COL19A1: variants seen among roughly 807,000 people sequenced by gnomAD.
COL19A1 encodes collagen type XIX alpha 1 chain.
A neutral mutation model predicts 190.2 loss-of-function variants in COL19A1; 159 were observed. The ratio of observed to expected loss-of-function variants is 0.84; its 90% CI spans 0.73 to 0.95. The LOEUF is 0.95. COL19A1 is among the 40% of genes least tolerant of loss of function. The pLI, the probability that COL19A1 is intolerant of heterozygous loss-of-function variation, is 0.00. For synonymous variants in COL19A1, 509 were observed against 458.9 expected (o/e 1.11, Z -1.39); for missense variants, 1,418 against 1,431.9 (o/e 0.99, Z 0.16).
chr6:70,114,793 A>G (rs1784470350), intron 16 of COL19A1, among the ~76,000 whole-genome samples: 1 of 152,200 alleles, frequency 6.6e-6, no homozygotes, highest in Non-Finnish European at 1.5e-5. Flanking sequence ...GCCTAAATAT[A>G]TGCATATACA....
At chr6:69,940,250 C>G (rs1773388342) in intron 9 of COL19A1, among the ~76,000 whole-genome samples, 1 of 152,180 alleles carries the variant, frequency 6.6e-6, no homozygotes, top group East Asian at 1.9e-4. Flanking sequence ...ATAGACATCT[C>G]TCACTTTAAC....
chr6:70,049,509 G>A (rs1451212458), intron 14 of COL19A1, among the ~76,000 whole-genome samples: 2 of 151,980 alleles, frequency 1.3e-5, no homozygotes, highest in African/African-American at 2.4e-5. Flanking sequence ...CGTTCGACAT[G>A]GAGGTGATTT....
chr6:70,009,967 G>A (rs2150093681), intron 11 of COL19A1, among the ~76,000 whole-genome samples: 1 of 152,156 alleles, frequency 6.6e-6, no homozygotes, highest in African/African-American at 2.4e-5. Context: ...AGAAATAAAT[G>A]TAAAAACCAA....
At chr6:70,126,051 TTG>T (rs1785173850) in intron 17 of COL19A1, among the ~76,000 whole-genome samples, 2 of 152,022 alleles carry the variant, frequency 1.3e-5, no homozygotes, top group African/African-American at 4.8e-5. Flanking sequence ...AAATGCAGAG[TTG>T]TGTTATCTTA....
At chr6:70,022,928 A>G (rs1778497834) in intron 11 of COL19A1, among the ~76,000 whole-genome samples, 1 of 151,696 alleles carries the variant, frequency 6.6e-6, no homozygotes, top group Non-Finnish European at 1.5e-5. Flanking sequence ...TTCATCTCTG[A>G]TTTTTTCATT....
At chr6:70,169,909 A>T (rs572443935) in intron 40 of COL19A1, among the ~76,000 whole-genome samples, 1 of 152,284 alleles carries the variant, frequency 6.6e-6, no homozygotes, top group South Asian at 2.1e-4. Flanking sequence ...TTGCATTAAT[A>T]ACTGCAGATT....
chr6:70,062,039 GT>G (rs1333486655), intron 14 of COL19A1, among the ~76,000 whole-genome samples: 8 of 150,096 alleles, frequency 5.3e-5, no homozygotes, highest in Admixed American at 2.0e-4. Flanking sequence ...GAACTGATTA[GT>G]TTTTTTCCCT....
At chr6:69,940,356 T>C (rs1773394174) in intron 9 of COL19A1, among the ~76,000 whole-genome samples, 1 of 152,132 alleles carries the variant, frequency 6.6e-6, no homozygotes, top group Non-Finnish European at 1.5e-5. Context: ...CTTTGGAGCC[T>C]TAGCAGTAAT....
At chr6:69,941,286 GTGAAGA>G (rs1773450233) in intron 9 of COL19A1, among the ~76,000 whole-genome samples, 1 of 152,116 alleles carries the variant, frequency 6.6e-6, no homozygotes, top group South Asian at 2.1e-4. Context: ...GTGGTTGATT[GTGAAGA>G]AGGAATACAA....
intron 16 of COL19A1, 42 bp downstream of exon 16, chr6:70,102,264 C>T: frequency 2.9e-6 from 4 of 1,394,272 alleles, no homozygotes; most frequent in Non-Finnish European, 4.1e-6. Context: ...AAGAGTCTGT[C>T]TTTATGTCTG....
chr6:69,948,615 A>G (rs137979963), intron 9 of COL19A1, among the ~76,000 whole-genome samples: 5 of 151,938 alleles, frequency 3.3e-5, no homozygotes, highest in African/African-American at 9.6e-5. Flanking sequence ...AAAGTTAAGT[A>G]TGCAAGCCAA....
chr6:69,906,884 G>A (rs1770584706), intron 4 of COL19A1, among the ~76,000 whole-genome samples: 2 of 151,950 alleles, frequency 1.3e-5, no homozygotes, highest in Admixed American at 1.3e-4. Flanking sequence ...TTAGCAAGTA[G>A]GAAACCCAAA....
At chr6:70,109,470 A>G (rs1039972133) in intron 16 of COL19A1, among the ~76,000 whole-genome samples, 1 of 151,920 alleles carries the variant, frequency 6.6e-6, no homozygotes, top group Non-Finnish European at 1.5e-5. Context: ...TAAGAATGGA[A>G]AAGAAGGGTT....
chr6:70,006,866 C>G (rs1777664297), intron 11 of COL19A1, among the ~76,000 whole-genome samples: 1 of 151,636 alleles, frequency 6.6e-6, no homozygotes, highest in South Asian at 2.1e-4. Context: ...GAAATTAAGT[C>G]AATGTTAACT....
intron 12 of COL19A1, among the ~76,000 whole-genome samples, chr6:70,031,016 C>G (rs994330781): frequency 6.6e-6 from 1 of 152,306 alleles, no homozygotes; most frequent in African/African-American, 2.4e-5. Context: ...CACATCATGT[C>G]ATTTTCCTGC....
At chr6:69,866,956 T>C (rs1201772228) in intron 1 of COL19A1, among the ~76,000 whole-genome samples, 1 of 152,160 alleles carries the variant, frequency 6.6e-6, no homozygotes, top group Admixed American at 6.5e-5. Context: ...AGGTGGTTTT[T>C]CTGGCTATGT....
At chr6:69,934,109 GCTTAAAGCATAGCTTTAGTGA>G (rs1421967079) in intron 7 of COL19A1, among the ~76,000 whole-genome samples, 1 of 151,932 alleles carries the variant, frequency 6.6e-6, no homozygotes, top group Non-Finnish European at 1.5e-5. Context: ...CCAAAGCATA[GCTTAAAGCATAGCTTTAGTGA>G]CTTAAAGCAT....
At chr6:70,072,547 G>T (rs1781620321) in intron 15 of COL19A1, among the ~76,000 whole-genome samples, 1 of 152,062 alleles carries the variant, frequency 6.6e-6, no homozygotes, top group African/African-American at 2.4e-5. Flanking sequence ...CCTCTATCCT[G>T]CCCTGTCTTG....
At chr6:70,022,421 C>G (rs1224064408) in intron 11 of COL19A1, among the ~76,000 whole-genome samples, 1 of 152,114 alleles carries the variant, frequency 6.6e-6, no homozygotes, top group Admixed American at 6.5e-5. Context: ...AGATTAACCA[C>G]TTTTATTACT....
Sources: gnomAD v4.1 joint callset for allele counts (sites outside exome capture counted in the v4.1 genomes callset) on GRCh38, gnomAD v4.1.1 for gene constraint, MANE v1.5 for transcripts, NCBI Gene and HGNC (gene_info 2026-07-23, HGNC 2026-07-21) for gene names.